The following PARP8 variants were observed in gnomAD, a reference collection of about 807,000 sequenced individuals.
PARP8 encodes protein mono-ADP-ribosyltransferase PARP8.
Under a neutral mutation model 124.1 loss-of-function variants are expected in PARP8, and 51 were observed. The observed-to-expected ratio is 0.41, with a 90% CI of 0.33 to 0.52. The LOEUF is 0.52. Ranked by LOEUF, PARP8 falls within the 20% of genes least tolerant of loss-of-function variation. PARP8 has a pLI of 0.21. For synonymous variants in PARP8, 391 were observed against 361.5 expected (o/e 1.08, Z -0.93); for missense variants, 860 against 1,018.9 (o/e 0.84, Z 2.12).
intron 7 of PARP8, among the ~76,000 whole-genome samples, chr5:50,770,279 C>A (rs1436270776): frequency 6.6e-6 from 1 of 152,132 alleles, no homozygotes; most frequent in African/African-American, 2.4e-5. Flanking sequence ...TTAGGATTAA[C>A]TTCTGTGAGC....
At chr5:50,763,069 G>A (rs1177556439) in intron 6 of PARP8, 79 bp from the exon 7 acceptor site, 4 of 1,042,434 alleles carry the variant, frequency 3.8e-6, no homozygotes, top group Non-Finnish European at 5.9e-6. Flanking sequence ...AATGCACAGG[G>A]AGACCTGTCT....
chr5:50,785,297 A>G (rs989455020), intron 9 of PARP8, among the ~76,000 whole-genome samples: 3 of 152,134 alleles, frequency 2.0e-5, no homozygotes, highest in African/African-American at 7.2e-5. Flanking sequence ...TTATTAATTT[A>G]TAGGAATAAT....
chr5:50,757,787 G>A (rs1405190557), intron 3 of PARP8, among the ~76,000 whole-genome samples: 1 of 151,996 alleles, frequency 6.6e-6, no homozygotes, highest in African/African-American at 2.4e-5. Context: ...TAAACATAAT[G>A]TCTTAATTAC....
intron 2 of PARP8, among the ~76,000 whole-genome samples, chr5:50,715,542 A>C (rs1484888705): frequency 6.6e-6 from 1 of 151,930 alleles, no homozygotes; most frequent in East Asian, 1.9e-4. Context: ...CTGCAAATAA[A>C]GATGACCAAA....
At chr5:50,822,225 C>G (rs1339976396) in intron 16 of PARP8, 110 bp from the exon 17 acceptor site, 2 of 781,282 alleles carry the variant, frequency 2.6e-6, no homozygotes, top group Non-Finnish European at 4.5e-6. Flanking sequence ...TTCAAATTGA[C>G]CCCAGTGGAA....
At chr5:50,807,656 C>T (rs770453747) in intron 14 of PARP8, among the ~76,000 whole-genome samples, 1 of 152,060 alleles carries the variant, frequency 6.6e-6, no homozygotes, top group Non-Finnish European at 1.5e-5. Flanking sequence ...TCACCTCAAT[C>T]GTGGATTGGT....
At chr5:50,771,171 T>C (rs553104326) in intron 7 of PARP8, among the ~76,000 whole-genome samples, 1 of 151,386 alleles carries the variant, frequency 6.6e-6, no homozygotes, top group Non-Finnish European at 1.5e-5. Flanking sequence ...CATTTATTTA[T>C]TTTTTGAGAT....
rs567277265 is a variant in PARP8, at chr5:50,718,465, G to GTA, written c.147-31677_147-31676dup. Among the ~76,000 whole-genome samples the GTA allele has an allele frequency of 2.6e-3, 397 of 151,896 alleles. 1 individual carries two copies. Among genetic ancestry groups the GTA allele is most frequent in the African/African-American group, 8.8e-3 (365 of 41,444 alleles). ...TGTGTGTGTGTATACGTGTGTGTAT[G>GTA]TATATATATACAATTATATATGTAA... On this transcript the variant is annotated intron_variant, in intron 2 of 25. Transcript: ENST00000281631.
Position 50,759,674 on chromosome 5 carries a change from TGAA to T in PARP8, c.219_221del (p.Glu73del), listed in dbSNP as rs1352525681. ...CATATGTGTCAAGTTCAGAGAATGA[TGAA>T]GATGTGCTAGTTACTACAGAGCCAA... On this transcript the variant is annotated inframe_deletion, in exon 4 of 26. Transcript: ENST00000281631. 1.3e-6 allele frequency: 2 copies of T among 1,577,600 alleles called. No homozygotes were observed. Among genetic ancestry groups the T allele is most frequent in the African/African-American group, 2.8e-5 (2 of 72,162 alleles).
intron 2 of PARP8, among the ~76,000 whole-genome samples, chr5:50,725,882 C>T (rs145706892): frequency 4.2e-4 from 64 of 152,234 alleles, no homozygotes; most frequent in African/African-American, 1.4e-3. Context: ...GTAAGCAATA[C>T]TGCTTAGATA....
intron 2 of PARP8, among the ~76,000 whole-genome samples, chr5:50,714,677 A>G (rs1755119306): frequency 6.6e-6 from 1 of 152,120 alleles, no homozygotes. Flanking sequence ...GGGTGCCCAC[A>G]GGGCTGTGGA....
At position 50,667,839 on chromosome 5, in the gene PARP8, G is replaced by T. The variant is rs1579876018; in HGVS notation, c.92-232G>T. ...CGGCCTCCCCTATCGGGAAATTCCCGCTGTTGCCATGGCACCCGGCACTTG... is the reference window on the plus strand; with the variant it reads ...CGGCCTCCCCTATCGGGAAATTCCCTCTGTTGCCATGGCACCCGGCACTTG... On this transcript the variant is annotated intron_variant, in intron 1 of 25. Coordinates refer to ENST00000281631, the MANE Select transcript of PARP8 (RefSeq NM_024615.4). 5 of 1,274,464 alleles carry T rather than the reference G, an allele frequency of 3.9e-6. No homozygotes were observed. The Admixed American group carries it at 8.3e-5, about 21-fold the overall frequency. The allele number at this position is 1,274,464 out of a possible 1,614,324, so 78.9% of individuals were successfully genotyped here.
intron 7 of PARP8, among the ~76,000 whole-genome samples, chr5:50,769,473 C>G (rs1319389200): frequency 4.0e-5 from 6 of 151,796 alleles, no homozygotes; most frequent in Non-Finnish European, 8.8e-5. Flanking sequence ...TTGTTGTAAC[C>G]ATTTAAAAAG....
rs145873127 is a variant in PARP8 at position 50,683,784 on chromosome 5, A to G, written c.146+15659A>G. On this transcript the variant is annotated intron_variant, in intron 2 of 25. Transcript: ENST00000281631. ...GCAAACAGAAATAAACTCCCTACACATTACCTTCTCCGTTAAAATATGTTT... is the reference window on the plus strand; with the variant it reads ...GCAAACAGAAATAAACTCCCTACACGTTACCTTCTCCGTTAAAATATGTTT... Among the ~76,000 whole-genome samples the G allele has an allele frequency of 6.7e-3, 1,023 of 152,332 alleles. 17 individuals are homozygous for G. Among genetic ancestry groups the G allele is most frequent in the African/African-American group, 0.024 (983 of 41,572 alleles).
At chr5:50,820,332 T>G (rs181892615) in intron 15 of PARP8, among the ~76,000 whole-genome samples, 2 of 152,354 alleles carry the variant, frequency 1.3e-5, no homozygotes, top group Admixed American at 6.5e-5. Flanking sequence ...GCTTCCTTAT[T>G]AAGTCACTTG....
At chr5:50,718,296 T>C (rs1366158957) in intron 2 of PARP8, among the ~76,000 whole-genome samples, 7 of 152,016 alleles carry the variant, frequency 4.6e-5, no homozygotes. Flanking sequence ...TATTAAACAA[T>C]ACAGGTAAAT....
At chr5:50,725,687 C>T (rs1320228806) in intron 2 of PARP8, among the ~76,000 whole-genome samples, 2 of 152,102 alleles carry the variant, frequency 1.3e-5, no homozygotes, top group East Asian at 1.9e-4. Context: ...CCATGGCAAA[C>T]GGTTTCCATT....
intron 2 of PARP8, among the ~76,000 whole-genome samples, chr5:50,724,739 G>T (rs749170251): frequency 6.7e-6 from 1 of 150,302 alleles, no homozygotes; most frequent in African/African-American, 2.4e-5. Flanking sequence ...GGTACAAGTG[G>T]TTTTTTTTTG....
intron 2 of PARP8, among the ~76,000 whole-genome samples, chr5:50,708,055 T>C (rs890486740): frequency 1.3e-5 from 2 of 152,280 alleles, no homozygotes; most frequent in Middle Eastern, 3.4e-3. Context: ...ATTTTTCCTA[T>C]AGTTAAAAAT....
Sources: allele counts gnomAD v4.1 joint callset (sites outside exome capture counted in the v4.1 genomes callset), GRCh38; gene constraint gnomAD v4.1.1; transcripts MANE v1.5; gene names NCBI Gene and HGNC (gene_info 2026-07-23, HGNC 2026-07-21).